Variants in CAMSAP1 observed in about 807,000 individuals in gnomAD.
The protein encoded by CAMSAP1 is calmodulin-regulated spectrin-associated protein 1.
Under a neutral mutation model 143.5 loss-of-function variants are expected in CAMSAP1, and 58 were observed. That is an observed-to-expected ratio of 0.40 (90% CI 0.33 to 0.50). The LOEUF (loss-of-function observed/expected upper bound fraction) is 0.50. Ranked by LOEUF, CAMSAP1 falls within the 20% of genes least tolerant of loss-of-function variation. CAMSAP1 has a pLI of 0.45. For synonymous variants in CAMSAP1, 945 were observed against 859.3 expected (o/e 1.10, Z -1.74); for missense variants, 1,969 against 2,115.7 (o/e 0.93, Z 1.36).
chr9:135,903,714 C>T (rs1838683173), intron 1 of CAMSAP1, among the ~76,000 whole-genome samples: 1 of 152,224 alleles, frequency 6.6e-6, no homozygotes, highest in African/African-American at 2.4e-5. Context: ...ATATTGAAGC[C>T]ACTTTCACCA....
At chr9:135,897,764 A>G (rs2094977) in intron 1 of CAMSAP1, among the ~76,000 whole-genome samples, 57,132 of 151,994 alleles carry the variant, frequency 0.38, 12,105 homozygotes, top group African/African-American at 0.58. Flanking sequence ...AAGATGGCGT[A>G]AGACTTCATC....
At chr9:135,838,623 C>G (rs895319471) in intron 7 of CAMSAP1, among the ~76,000 whole-genome samples, 2 of 150,240 alleles carry the variant, frequency 1.3e-5, no homozygotes, top group Non-Finnish European at 3.0e-5. Flanking sequence ...CACACATCAT[C>G]ACGCACTTTC....
chr9:135,903,197 G>C (rs994869080), intron 1 of CAMSAP1, among the ~76,000 whole-genome samples: 1 of 152,168 alleles, frequency 6.6e-6, no homozygotes, highest in Non-Finnish European at 1.5e-5. Flanking sequence ...GGGAACTTCA[G>C]CCACCGCCTC....
chr9:135,857,609 T>C (rs1181959200), intron 5 of CAMSAP1, among the ~76,000 whole-genome samples: 1 of 152,220 alleles, frequency 6.6e-6, no homozygotes, highest in Non-Finnish European at 1.5e-5. Context: ...ACCATCTCTG[T>C]TGATTTGGGT....
At chr9:135,898,441 T>C (rs975864106) in intron 1 of CAMSAP1, among the ~76,000 whole-genome samples, 1 of 152,146 alleles carries the variant, frequency 6.6e-6, no homozygotes, top group Admixed American at 6.5e-5. Context: ...GTCCAGAAGT[T>C]CCAAACTAGT....
rs77279694 is a variant in CAMSAP1 at position 135,862,569 on chromosome 9, G to A, written c.706C>T (p.Pro236Ser). ...RREHLSARQS[P>S]YFPLLEDLMR... Reference sequence around the variant, plus strand: ...AAATCCTCCAACAACGGGAAGTAGGGTGACTGCCTAGCAGAAAGGTGCTCT... The same window carrying A: ...AAATCCTCCAACAACGGGAAGTAGGATGACTGCCTAGCAGAAAGGTGCTCT... Residue 236 changes from proline (P) to serine (S), a missense_variant, in exon 5 of 17, where the codon CCC becomes TCC. Pro to Ser is a moderately conservative substitution (Grantham distance 74, BLOSUM62 -1). This residue lies in a region of CAMSAP1 where 221 missense variants were observed against 298.2 expected (regional missense o/e 0.74). Transcript: ENST00000389532. 4,969 of 1,551,722 alleles carry A rather than the reference G, an allele frequency of 3.2e-3. 11 individuals are homozygous for A. The highest frequency in any genetic ancestry group is 3.9e-3 in the Non-Finnish European group (4,499 of 1,147,010).
Position 135,827,469 on chromosome 9 carries a change from G to C in CAMSAP1, c.1161C>G (p.Pro387=), listed in dbSNP as rs1032701923. The C allele has an allele frequency of 6.2e-7, 1 of 1,608,654 alleles. No individual in the cohort carries two copies. The highest frequency in any genetic ancestry group is 8.5e-7 in the Non-Finnish European group (1 of 1,175,784). ...AAGTLAELQP[P]VQLPAEGCHR... ...GACAGCCTTCCGCCGGCAGCTGCAC[G>C]GGGGGCTGCAGCTCAGCCAGGGTCC... is the stretch of plus-strand genomic sequence containing the variant. The change falls in exon 8 of 17, where the codon CCC becomes CCG. Residue 387 remains proline (P), a synonymous_variant. Transcript: ENST00000389532.
chr9:135,867,403 G>C (rs1265863216), intron 3 of CAMSAP1, among the ~76,000 whole-genome samples: 3 of 151,850 alleles, frequency 2.0e-5, no homozygotes, highest in Non-Finnish European at 4.4e-5. Context: ...CCAGCCACTT[G>C]GAAGGCTGAG....
intron 7 of CAMSAP1, among the ~76,000 whole-genome samples, chr9:135,839,601 G>C (rs1836265349): frequency 6.6e-6 from 1 of 152,124 alleles, no homozygotes; most frequent in African/African-American, 2.4e-5. Flanking sequence ...ATGTGCACAG[G>C]GTACTGTACG....
chr9:135,879,099 G>T (rs1015129325), intron 3 of CAMSAP1, among the ~76,000 whole-genome samples: 2 of 152,086 alleles, frequency 1.3e-5, no homozygotes, highest in Non-Finnish European at 2.9e-5. Context: ...GAGGAGGAGG[G>T]GAGTGGAGGG....
chr9:135,823,511 A>G (rs1835561821), intron 10 of CAMSAP1, among the ~76,000 whole-genome samples: 1 of 152,192 alleles, frequency 6.6e-6, no homozygotes, highest in South Asian at 2.1e-4. Context: ...TTTTGTTTCT[A>G]TTTATCAGTA....
intron 1 of CAMSAP1, among the ~76,000 whole-genome samples, chr9:135,891,457 G>A (rs112590252): frequency 0.018 from 2,768 of 152,288 alleles, 92 homozygotes; most frequent in African/African-American, 0.064. Context: ...GGGCAGGCCC[G>A]GGGCCACAGG....
At chr9:135,901,506 C>T (rs1413461563) in intron 1 of CAMSAP1, among the ~76,000 whole-genome samples, 3 of 151,984 alleles carry the variant, frequency 2.0e-5, no homozygotes, top group Admixed American at 6.6e-5. Context: ...CCTAGCAACT[C>T]GGGAGGCTGA....
intron 1 of CAMSAP1, among the ~76,000 whole-genome samples, chr9:135,901,248 G>A (rs1838608112): frequency 6.6e-6 from 1 of 152,172 alleles, no homozygotes; most frequent in Non-Finnish European, 1.5e-5. Flanking sequence ...GATTCAGCTT[G>A]TATATCTGTT....
intron 7 of CAMSAP1, among the ~76,000 whole-genome samples, chr9:135,846,765 G>A (rs145302982): frequency 1.8e-3 from 273 of 150,160 alleles, no homozygotes; most frequent in African/African-American, 4.6e-3. Flanking sequence ...ATATGCGGCC[G>A]ACAAACATAA....
At chr9:135,839,540 C>T (rs1362318826) in intron 7 of CAMSAP1, among the ~76,000 whole-genome samples, 1 of 152,264 alleles carries the variant, frequency 6.6e-6, no homozygotes, top group South Asian at 2.1e-4. Flanking sequence ...AATGCAAGAT[C>T]CCGGGACTGT....
At chr9:135,894,205 C>T (rs528391698) in intron 1 of CAMSAP1, among the ~76,000 whole-genome samples, 9 of 152,234 alleles carry the variant, frequency 5.9e-5, no homozygotes, top group East Asian at 3.9e-4. Context: ...CCCCATCAGG[C>T]GGACCTGAGA....
At chr9:135,858,895 A>C (rs1837074749) in intron 5 of CAMSAP1, among the ~76,000 whole-genome samples, 1 of 152,222 alleles carries the variant, frequency 6.6e-6, no homozygotes, top group South Asian at 2.1e-4. Flanking sequence ...TAAGGGAGAG[A>C]GAGCAGAGAG....
intron 5 of CAMSAP1, among the ~76,000 whole-genome samples, chr9:135,860,934 T>G (rs567978356): frequency 2.0e-5 from 3 of 152,344 alleles, no homozygotes; most frequent in African/African-American, 7.2e-5. Flanking sequence ...TGAGTTTCAC[T>G]AGTTCTAGAC....
Sources: allele counts gnomAD v4.1 joint callset (sites outside exome capture counted in the v4.1 genomes callset), GRCh38; gene constraint gnomAD v4.1.1; regional missense constraint gnomAD v4.1.1; transcripts MANE v1.5; gene names NCBI Gene and HGNC (gene_info 2026-07-23, HGNC 2026-07-21).